The following RBFOX1 variants were observed in gnomAD, a reference collection of about 807,000 sequenced individuals.
The protein encoded by RBFOX1 is RNA binding protein fox-1 homolog 1.
A neutral mutation model predicts 57.7 loss-of-function variants in RBFOX1; 8 were observed. The ratio of observed to expected loss-of-function variants is 0.14; its 90% confidence interval spans 0.08 to 0.25. RBFOX1 has a LOEUF of 0.25. Among genes scored for constraint, RBFOX1 ranks in the 10% least tolerant of loss-of-function variants. RBFOX1 has a pLI of 1.00. For missense variants in RBFOX1, 611 were observed against 548.5 expected, an observed-to-expected ratio of 1.11 and a Z score of -1.14; for synonymous variants, 326 against 222.4, an observed-to-expected ratio of 1.47 and a Z score of -4.15.
chr16:6,776,304 G>C (rs193293968), intron 3 of RBFOX1, among the ~76,000 whole-genome samples: 3 of 152,028 alleles, frequency 2.0e-5, no homozygotes, highest in South Asian at 2.1e-4. Flanking sequence ...CCAGCTACTC[G>C]GGGGGCTGAG....
intron 4 of RBFOX1, among the ~76,000 whole-genome samples, chr16:7,200,068 G>A (rs187520153): frequency 6.6e-6 from 1 of 152,180 alleles, no homozygotes; most frequent in South Asian, 2.1e-4. Flanking sequence ...CTAAAAGTCA[G>A]ATACTAGTCA....
At chr16:7,631,051 A>G (rs909187138) in intron 11 of RBFOX1, among the ~76,000 whole-genome samples, 9 of 152,226 alleles carry the variant, frequency 5.9e-5, no homozygotes, top group African/African-American at 2.2e-4. Context: ...TTGCCTAGTA[A>G]AAGATGCTTA....
intron 1 of RBFOX1, among the ~76,000 whole-genome samples, chr16:6,212,214 C>G (rs1395525127): frequency 1.3e-5 from 2 of 151,636 alleles, no homozygotes; most frequent in Admixed American, 6.6e-5. Context: ...TTGAAAAATA[C>G]CTAATATACA....
chr16:6,793,475 C>G (rs1435975244), intron 3 of RBFOX1, among the ~76,000 whole-genome samples: 1 of 152,086 alleles, frequency 6.6e-6, no homozygotes, highest in Admixed American at 6.6e-5. Flanking sequence ...TCTCAGTGGA[C>G]ATTGTTGGTA....
At chr16:5,645,161 A>T (rs985756518) in intron 3 of RBFOX1, among the ~76,000 whole-genome samples, 1 of 152,096 alleles carries the variant, frequency 6.6e-6, no homozygotes, top group African/African-American at 2.4e-5. Flanking sequence ...AGGCAGGAGA[A>T]TCACTTGAAC....
chr16:6,742,626 C>G (rs979766274), intron 3 of RBFOX1, among the ~76,000 whole-genome samples: 4 of 151,994 alleles, frequency 2.6e-5, no homozygotes, highest in Admixed American at 2.0e-4. Context: ...TGTGAGATAC[C>G]CGTACTGTGA....
chr16:7,047,238 G>T lies in RBFOX1; in HGVS notation c.-15-4819G>T, dbSNP rs189650951. Among the ~76,000 whole-genome samples the T allele has an allele frequency of 5.9e-5, 9 of 152,100 alleles. No homozygotes were observed. In the East Asian group the frequency reaches 1.5e-3, roughly 26 times the overall value. On this transcript the variant is annotated intron_variant, in intron 3 of 15. Transcript: ENST00000550418. ...TCCTATAGCGATTATTTTAGGGCAG[G>T]TCTGTCTGCAGTGAATTTTCTTAGT...
Position 6,515,323 on chromosome 16 carries a change from A to T in RBFOX1, c.-63-139280A>T, listed in dbSNP as rs557268067. Among the ~76,000 whole-genome samples the T allele has an allele frequency of 8.2e-4, 125 of 152,320 alleles. 1 individual carries two copies. Among genetic ancestry groups the T allele is most frequent in the African/African-American group, 2.9e-3 (119 of 41,566 alleles). ...CAGCTGCTAGGCTTGTCTTTGTCAG[A>T]CACATTGCTTATGCCAGTCTTCTAC... On this transcript the variant is annotated intron_variant, in intron 2 of 15. Transcript: ENST00000550418.
intron 2 of RBFOX1, among the ~76,000 whole-genome samples, chr16:6,560,124 C>T (rs1271574699): frequency 6.8e-6 from 1 of 147,972 alleles, no homozygotes; most frequent in African/African-American, 2.5e-5. Flanking sequence ...GTGGGGTAAT[C>T]ACTCTGTTAT....
intron 3 of RBFOX1, among the ~76,000 whole-genome samples, chr16:6,806,773 C>G (rs925011179): frequency 8.6e-6 from 1 of 116,590 alleles, no homozygotes; most frequent in African/African-American, 3.1e-5. Flanking sequence ...TTCTTTGTTT[C>G]TTTTTCTCTT....
intron 2 of RBFOX1, among the ~76,000 whole-genome samples, chr16:6,390,224 C>T (rs760158263): frequency 6.6e-6 from 1 of 152,118 alleles, no homozygotes; most frequent in African/African-American, 2.4e-5. Context: ...TTTACATATC[C>T]GTAAACCTGA....
intron 2 of RBFOX1, among the ~76,000 whole-genome samples, chr16:6,370,312 C>G (rs1044931497): frequency 8.4e-6 from 1 of 119,214 alleles, no homozygotes; most frequent in Admixed American, 1.2e-4. Context: ...GAGCCGAGAT[C>G]ATGCCACTGC....
chr16:6,258,593 C>G (rs936772398), intron 1 of RBFOX1, among the ~76,000 whole-genome samples: 1 of 152,170 alleles, frequency 6.6e-6, no homozygotes, highest in Non-Finnish European at 1.5e-5. Flanking sequence ...ATACTGAATA[C>G]CTTCCATGGC....
chr16:6,953,641 C>T (rs569743307), intron 3 of RBFOX1, among the ~76,000 whole-genome samples: 1 of 152,148 alleles, frequency 6.6e-6, no homozygotes, highest in Non-Finnish European at 1.5e-5. Context: ...CTCATCTCGG[C>T]CTCCCAAAGC....
intron 2 of RBFOX1, among the ~76,000 whole-genome samples, chr16:6,644,743 G>A (rs913420264): frequency 6.6e-6 from 1 of 152,100 alleles, no homozygotes; most frequent in African/African-American, 2.4e-5. Flanking sequence ...GAAACACCTG[G>A]GCCCTGGAGC....
intron 4 of RBFOX1, among the ~76,000 whole-genome samples, chr16:7,459,935 T>C (rs191159174): frequency 3.6e-4 from 55 of 152,304 alleles, no homozygotes; most frequent in African/African-American, 1.3e-3. Flanking sequence ...TATGTTTTAA[T>C]AGTTTATTGG....
chr16:7,000,242 C>G (rs915557217), intron 3 of RBFOX1, among the ~76,000 whole-genome samples: 3 of 152,128 alleles, frequency 2.0e-5, no homozygotes, highest in Non-Finnish European at 4.4e-5. Context: ...AGCAAGCATT[C>G]TATCATTGTT....
At chr16:6,785,190 GA>G (rs1201465042) in intron 3 of RBFOX1, among the ~76,000 whole-genome samples, 1 of 151,892 alleles carries the variant, frequency 6.6e-6, no homozygotes, top group Non-Finnish European at 1.5e-5. Flanking sequence ...CTGCTCTGGA[GA>G]AAAAAAATGA....
chr16:7,170,871 G>T (rs546135056), intron 4 of RBFOX1, among the ~76,000 whole-genome samples: 9 of 152,194 alleles, frequency 5.9e-5, no homozygotes, highest in Admixed American at 3.9e-4. Context: ...GCTCTGCGCA[G>T]TTGAGGGTTT....
Sources: allele counts gnomAD v4.1 joint callset (sites outside exome capture counted in the v4.1 genomes callset), GRCh38; gene constraint gnomAD v4.1.1; transcripts MANE v1.5; gene names NCBI Gene and HGNC (gene_info 2026-07-23, HGNC 2026-07-21).